Variants in TRIM24 observed in about 807,000 individuals in gnomAD.
TRIM24 encodes transcription intermediary factor 1-alpha.
In TRIM24, 29 loss-of-function variants were observed where a neutral mutation model predicts 123.9. The ratio of observed to expected loss-of-function variants is 0.23; its 90% CI spans 0.17 to 0.32. The LOEUF (loss-of-function observed/expected upper bound fraction) is 0.32. Ranked by LOEUF, TRIM24 falls within the 10% of genes least tolerant of loss-of-function variation. The pLI is 1.00. For missense variants in TRIM24, 932 were observed against 1,295.3 expected, an observed-to-expected ratio of 0.72 and a Z score of 4.31; for synonymous variants, 456 against 461.1, an observed-to-expected ratio of 0.99 and a Z score of 0.14.
intron 16 of TRIM24, 92 bp from the exon 17 acceptor site, chr7:138,581,605 C>A: frequency 1.9e-6 from 2 of 1,065,904 alleles, no homozygotes; most frequent in Non-Finnish European, 2.7e-6. Flanking sequence ...TTTAGTCTGA[C>A]ACTTTGGGAC....
chr7:138,508,886 T>G (rs573629508), intron 2 of TRIM24, among the ~76,000 whole-genome samples: 1 of 152,202 alleles, frequency 6.6e-6, no homozygotes, highest in African/African-American at 2.4e-5. Flanking sequence ...TATGGTACGG[T>G]GGGTGCTCAT....
At chr7:138,535,370 T>G (rs1796845866) in intron 6 of TRIM24, among the ~76,000 whole-genome samples, 2 of 152,256 alleles carry the variant, frequency 1.3e-5, no homozygotes, top group Non-Finnish European at 2.9e-5. Flanking sequence ...TTCCTTTCCA[T>G]GTTTAGTGCT....
chr7:138,498,071 G>C (rs1302365782), intron 1 of TRIM24, among the ~76,000 whole-genome samples: 1 of 138,968 alleles, frequency 7.2e-6, no homozygotes, highest in Non-Finnish European at 1.6e-5. Flanking sequence ...CCTAGGCTGG[G>C]GTGCAGTGGC....
chr7:138,524,674 A>C (rs1020587883), intron 4 of TRIM24, among the ~76,000 whole-genome samples: 2 of 152,134 alleles, frequency 1.3e-5, no homozygotes, highest in African/African-American at 4.8e-5. Flanking sequence ...GAGTTATCAA[A>C]CATAGTCTGG....
Position 138,585,737 on chromosome 7 carries a change from A to G in TRIM24, c.*786A>G, listed in dbSNP as rs1034154028. On this transcript the variant is annotated 3_prime_UTR_variant, in exon 19 of 19. Coordinates refer to ENST00000343526, the MANE Select transcript of TRIM24 (RefSeq NM_015905.3). ...ATACATTTGGGTTTGCTGTGTGTCT[A>G]TGTGAGGTTTAATTGTACAGGTGAT... 7 of 506,494 alleles carry G rather than the reference A, an allele frequency of 1.4e-5. No individual in the cohort carries two copies. The highest frequency in any genetic ancestry group is 5.8e-5 in the African/African-American group (3 of 51,666). The allele number at this position is 506,494 out of a possible 1,614,324, so 31.4% of individuals were successfully genotyped here.
chr7:138,526,787 A>G (rs1342841325), intron 5 of TRIM24, among the ~76,000 whole-genome samples: 1 of 152,188 alleles, frequency 6.6e-6, no homozygotes, highest in Non-Finnish European at 1.5e-5. Flanking sequence ...TCTAATCAGA[A>G]TAGTATATTT....
At chr7:138,475,915 A>G (rs1795386210) in intron 1 of TRIM24, among the ~76,000 whole-genome samples, 2 of 152,246 alleles carry the variant, frequency 1.3e-5, no homozygotes, top group Non-Finnish European at 2.9e-5. Context: ...AGGGGTTATT[A>G]TAGTTATTTT....
chr7:138,519,607 A>G (rs1416318496), intron 4 of TRIM24, among the ~76,000 whole-genome samples: 1 of 152,230 alleles, frequency 6.6e-6, no homozygotes, highest in Non-Finnish European at 1.5e-5. Flanking sequence ...TGACAACAAA[A>G]TGTGGCTCCA....
At chr7:138,572,774 A>G (rs1797683999) in intron 11 of TRIM24, among the ~76,000 whole-genome samples, 1 of 152,236 alleles carries the variant, frequency 6.6e-6, no homozygotes, top group Non-Finnish European at 1.5e-5. Flanking sequence ...GAAATTTGGT[A>G]TATGTAGGCA....
intron 4 of TRIM24, among the ~76,000 whole-genome samples, chr7:138,523,530 C>T (rs1225665827): frequency 2.0e-5 from 3 of 152,082 alleles, no homozygotes; most frequent in Non-Finnish European, 2.9e-5. Context: ...CCGAGGCGGG[C>T]GGATCACAAG....
intron 1 of TRIM24, among the ~76,000 whole-genome samples, chr7:138,499,789 G>A (rs767777724): frequency 1.4e-4 from 21 of 151,694 alleles, no homozygotes; most frequent in Non-Finnish European, 2.7e-4. Flanking sequence ...ATTTGAATGT[G>A]TATCTGTTAG....
chr7:138,476,402 G>A (rs974502121), intron 1 of TRIM24, among the ~76,000 whole-genome samples: 14 of 152,218 alleles, frequency 9.2e-5, no homozygotes, highest in African/African-American at 3.4e-4. Context: ...AGACCAGCCT[G>A]ACCAACATGG....
At chr7:138,555,054 CATACTCTAA>C (rs1374202516) in intron 9 of TRIM24, 88 bp downstream of exon 9, 1 of 1,354,528 alleles carries the variant, frequency 7.4e-7, no homozygotes, top group Non-Finnish European at 1.0e-6. Flanking sequence ...ATCCATTTTC[CATACTCTAA>C]ATATCTGCAT....
chr7:138,542,685 C>T (rs1797028391), intron 7 of TRIM24, among the ~76,000 whole-genome samples: 1 of 152,142 alleles, frequency 6.6e-6, no homozygotes, highest in African/African-American at 2.4e-5. Flanking sequence ...GTATTACTAC[C>T]TCTAAATGAA....
chr7:138,525,216 T>C, intron 4 of TRIM24, 25 bp from the exon 5 acceptor site: 1 of 1,103,916 alleles, frequency 9.1e-7, no homozygotes, highest in Non-Finnish European at 1.3e-6. Flanking sequence ...TATTTTTATA[T>C]GAAATAATTT....
intron 1 of TRIM24, among the ~76,000 whole-genome samples, chr7:138,499,554 G>A (rs1213189682): frequency 6.6e-6 from 1 of 152,194 alleles, no homozygotes; most frequent in Non-Finnish European, 1.5e-5. Flanking sequence ...GAAGGTTTAT[G>A]TCCCAGGAGC....
At chr7:138,550,055 A>G (rs888355800) in intron 7 of TRIM24, among the ~76,000 whole-genome samples, 1 of 152,204 alleles carries the variant, frequency 6.6e-6, no homozygotes, top group African/African-American at 2.4e-5. Context: ...AAGAAAAAAG[A>G]AAGTAGGAAA....
At chr7:138,512,543 T>G (rs1584710898) in intron 2 of TRIM24, among the ~76,000 whole-genome samples, 1 of 152,206 alleles carries the variant, frequency 6.6e-6, no homozygotes, top group African/African-American at 2.4e-5. Flanking sequence ...TATCTGCAGG[T>G]TTAACAGCAC....
intron 2 of TRIM24, among the ~76,000 whole-genome samples, chr7:138,513,811 A>C (rs1298591330): frequency 2.6e-5 from 4 of 152,182 alleles, no homozygotes; most frequent in African/African-American, 9.7e-5. Flanking sequence ...ATTTCATTTT[A>C]TGTACTAACA....
Sources: allele counts gnomAD v4.1 joint callset (sites outside exome capture counted in the v4.1 genomes callset), GRCh38; gene constraint gnomAD v4.1.1; transcripts MANE v1.5; gene names NCBI Gene and HGNC (gene_info 2026-07-23, HGNC 2026-07-21).